FRMD8: variants seen among roughly 807,000 people sequenced by gnomAD.
FRMD8 encodes FERM domain containing 8, also known as FERM domain-containing protein 8.
Under a neutral mutation model 54.2 loss-of-function variants are expected in FRMD8, and 37 were observed. That is an observed-to-expected ratio of 0.68 (90% CI 0.53 to 0.90). The LOEUF (loss-of-function observed/expected upper bound fraction) is 0.90, where lower values mean the gene tolerates loss of function less well. FRMD8 is among the 40% of genes least tolerant of loss of function. The pLI is 0.00. For missense variants in FRMD8, 585 were observed against 653.7 expected, an observed-to-expected ratio of 0.89 and a Z score of 1.15; for synonymous variants, 246 against 286.9, an observed-to-expected ratio of 0.86 and a Z score of 1.44.
chr11:65,397,089 G>T, intron 7 of FRMD8, 69 bp downstream of exon 7: 1 of 853,566 alleles, frequency 1.2e-6, no homozygotes, highest in Admixed American at 3.6e-5. Context: ...TAGCACAGCT[G>T]CCAGTGAGCC....
intron 7 of FRMD8, among the ~76,000 whole-genome samples, chr11:65,398,700 G>A (rs1053103539): frequency 1.9e-4 from 29 of 152,232 alleles, no homozygotes; most frequent in African/African-American, 6.8e-4. Context: ...GGAGGTGACA[G>A]CCCATGTGTG....
At chr11:65,401,293 C>T (rs1219553789) in intron 9 of FRMD8, among the ~76,000 whole-genome samples, 1 of 148,604 alleles carries the variant, frequency 6.7e-6, no homozygotes, top group Non-Finnish European at 1.5e-5. Flanking sequence ...GCACCGAGCA[C>T]CTCTTCTACC....
chr11:65,377,361 C>A, the FRMD8 span: 8 of 1,286,554 alleles, frequency 6.2e-6, no homozygotes, highest in Non-Finnish European at 7.9e-6. Flanking sequence ...TCAGAACAAG[C>A]CTGGATTCTT....
the FRMD8 span, chr11:65,379,367 C>T: frequency 9.3e-6 from 15 of 1,606,674 alleles, no homozygotes; most frequent in Non-Finnish European, 1.3e-5. Context: ...CCACTCACTG[C>T]CCCCTCACCT....
chr11:65,395,707 C>G (rs1855940970), intron 6 of FRMD8, among the ~76,000 whole-genome samples: 1 of 152,176 alleles, frequency 6.6e-6, no homozygotes, highest in Non-Finnish European at 1.5e-5. Flanking sequence ...TGAGCCTGTG[C>G]TAGTTGTAGG....
At chr11:65,399,661 C>T in intron 7 of FRMD8, 75 bp from the exon 8 acceptor site, 1 of 1,563,940 alleles carries the variant, frequency 6.4e-7, no homozygotes, top group South Asian at 1.2e-5. Context: ...TCCTCAGAGC[C>T]CAGGTTGGGG....
chr11:65,377,428 A>G, the FRMD8 span: 1 of 1,097,278 alleles, frequency 9.1e-7, no homozygotes, highest in Non-Finnish European at 1.1e-6. Flanking sequence ...GCATACCTGT[A>G]CGGTGGGCAG....
rs78928443 is a variant in FRMD8 at position 65,387,232 on chromosome 11, A to G, written c.85+111A>G. On this transcript the variant is annotated intron_variant, in intron 2 of 10. Transcript: ENST00000317568. ...AAAGATAATTTATGTATCGACTAAG[A>G]AATAATAAGGTACATTCAGATGTGG... 8.0e-3 allele frequency: 7,395 copies of G among 921,776 alleles called. 406 individuals are homozygous for G. The African/African-American group carries it at 0.11, about 13-fold the overall frequency. The allele number at this position is 921,776 out of a possible 1,614,324, so 57.1% of individuals were successfully genotyped here. A position where few individuals can be genotyped will look rare whatever the true frequency, so the allele number is the denominator to read the frequency against.
In FRMD8 at chr11:65,411,266, C is replaced by A; in HGVS notation, c.1301C>A (p.Pro434Gln). Residue 434 changes from proline (P) to glutamine (Q), a missense_variant, in exon 11 of 11, where the codon CCG (proline) becomes CAG (glutamine). Transcript: ENST00000317568. ...EDGKGIRRVK[P>Q]KRTTSFFSRQ... Reference sequence around the variant, plus strand: ...GGCAAGGGGATCAGGCGAGTGAAGCCGAAGCGCACCACATCCTTCTTCAGC... The same window carrying A: ...GGCAAGGGGATCAGGCGAGTGAAGCAGAAGCGCACCACATCCTTCTTCAGC... 1 of 1,609,214 alleles carries A rather than the reference C, an allele frequency of 6.2e-7. No homozygotes were observed. The highest frequency in any genetic ancestry group is 2.2e-5 in the East Asian group (1 of 44,754).
intron 1 of FRMD8, 122 bp from the exon 2 acceptor site, chr11:65,386,915 A>C: frequency 1.2e-6 from 1 of 832,686 alleles, no homozygotes; most frequent in Non-Finnish European, 1.9e-6. Context: ...CCCTCCAGGC[A>C]GCGCCGCTCA....
intron 7 of FRMD8, among the ~76,000 whole-genome samples, chr11:65,397,989 C>T (rs146695142): frequency 6.6e-6 from 1 of 151,952 alleles, no homozygotes; most frequent in African/African-American, 2.4e-5. Flanking sequence ...GATTTTCCTG[C>T]CTCAGCCTCC....
rs1856312548 is a variant in FRMD8 at position 65,410,767 on chromosome 11, G to A, written c.1277-475G>A. 2.0e-5 allele frequency among the ~76,000 whole-genome samples: 3 copies of A among 152,128 alleles called. No homozygotes were observed. In the South Asian group the frequency reaches 6.2e-4, roughly 32 times the overall value. The stretch of plus-strand genomic sequence containing the variant: ...ATAGTGCCACTGCACTCCAGCCTGG[G>A]CGACAGAGCGAGACTCCGTCTCAAA... On this transcript the variant is annotated intron_variant, in intron 10 of 10. Coordinates refer to ENST00000317568, the MANE Select transcript of FRMD8 (RefSeq NM_031904.5).
chr11:65,387,929 C>T (rs970505980), intron 2 of FRMD8, among the ~76,000 whole-genome samples: 11 of 152,114 alleles, frequency 7.2e-5, no homozygotes, highest in Non-Finnish European at 1.2e-4. Context: ...TTTGGGAGGC[C>T]GAGGCGGGTG....
chr11:65,387,047 C>T lies in FRMD8; in HGVS notation c.11C>T (p.Thr4Ile), dbSNP rs748292470. 2.5e-6 allele frequency: 4 copies of T among 1,609,506 alleles called. No individual in the cohort carries two copies. The highest frequency in any genetic ancestry group is 1.1e-5 in the South Asian group (1 of 91,070). Residue 4 changes from threonine to isoleucine, a missense_variant, in exon 2 of 11, where the codon ACA becomes ATA. By Grantham distance (89) the Thr-to-Ile change is moderately conservative (BLOSUM62 -1). Transcript: ENST00000317568. MDG[T>I]EGSAGQPGPA... is the part of the protein sequence containing the mutation. ...TCTTTGCCTTTGCAGATGGACGGGA[C>T]AGAAGGCAGTGCCGGGCAGCCCGGC...
chr11:65,396,948 G>T lies in FRMD8; in HGVS notation c.731G>T (p.Gly244Val). 2 of 1,527,002 alleles carry T rather than the reference G, an allele frequency of 1.3e-6. No homozygotes were observed. Among genetic ancestry groups the T allele is most frequent in the South Asian group, 1.2e-5 (1 of 81,314 alleles). 94.6% of individuals were successfully genotyped at this position (1,527,002 alleles called of 1,614,324 possible). A position where few individuals can be genotyped will look rare whatever the true frequency, so the allele number is the denominator to read the frequency against. Residue 244 changes from glycine (G) to valine (V), a missense_variant, in exon 7 of 11, where the codon GGC becomes GTC. Transcript: ENST00000317568. ...CAGGTGCAGGAGGTCAGCAGCGACG[G>T]CGGGTGCGAGGCCGCCCTGGGCACC... ...YRQVQEVSSD[G>V]GCEAALGTHY...
intron 3 of FRMD8, among the ~76,000 whole-genome samples, chr11:65,390,003 C>T (rs1189766771): frequency 1.3e-5 from 2 of 152,130 alleles, no homozygotes; most frequent in African/African-American, 2.4e-5. Context: ...GCTTCCCGGT[C>T]GGCCTCTTTG....
intron 10 of FRMD8, among the ~76,000 whole-genome samples, chr11:65,405,666 C>T (rs1349328473): frequency 1.3e-5 from 2 of 151,986 alleles, no homozygotes; most frequent in Non-Finnish European, 2.9e-5. Context: ...TAAATCACTG[C>T]TGTGACCACA....
chr11:65,398,594 G>A (rs965005866), intron 7 of FRMD8, among the ~76,000 whole-genome samples: 7 of 152,244 alleles, frequency 4.6e-5, no homozygotes, highest in East Asian at 3.9e-4. Flanking sequence ...CCTGGTGGGC[G>A]AGCGTGAGCA....
In FRMD8 at chr11:65,413,477, T is replaced by G. The variant is rs942094649; in HGVS notation, c.*2117T>G. Reference sequence around the variant, plus strand: ...CAGTATTTTACTCATTCTTTGAATGTTCTCATTCTTTTGTATCATGTGACT... The same window carrying G: ...CAGTATTTTACTCATTCTTTGAATGGTCTCATTCTTTTGTATCATGTGACT... On this transcript the variant is annotated 3_prime_UTR_variant, in exon 11 of 11. Coordinates refer to ENST00000317568, the MANE Select transcript of FRMD8 (RefSeq NM_031904.5). 2.0e-5 allele frequency: 3 copies of G among 152,248 alleles called. No individual in the cohort carries two copies. Among genetic ancestry groups the G allele is most frequent in the Non-Finnish European group, 2.9e-5 (2 of 68,048 alleles). 9.4% of individuals were successfully genotyped at this position (152,248 alleles called of 1,614,324 possible). A position where few individuals can be genotyped will look rare whatever the true frequency, so the allele number is the denominator to read the frequency against.
Sources: allele counts gnomAD v4.1 joint callset (sites outside exome capture counted in the v4.1 genomes callset), GRCh38; gene constraint gnomAD v4.1.1; transcripts MANE v1.5; gene names NCBI Gene and HGNC (gene_info 2026-07-23, HGNC 2026-07-21).